The following TBC1D17 variants were observed in gnomAD, a reference collection of about 807,000 sequenced individuals.
TBC1D17 encodes TBC1 domain family member 17.
Under a neutral mutation model 78.8 loss-of-function variants are expected in TBC1D17, and 69 were observed. The ratio of observed to expected loss-of-function variants is 0.88; its 90% confidence interval spans 0.72 to 1.07. The LOEUF is 1.07. TBC1D17 is among the 50% of genes least tolerant of loss of function. TBC1D17 has a pLI of 0.00. For missense variants in TBC1D17, 957 were observed against 861.0 expected (o/e 1.11, Z -1.39); for synonymous variants, 456 against 358.3 (o/e 1.27, Z -3.08).
At chr19:49,881,544 G>C in intron 5 of TBC1D17, 69 bp downstream of exon 5, 2 of 1,464,504 alleles carry the variant, frequency 1.4e-6, no homozygotes, top group African/African-American at 1.4e-5. Flanking sequence ...GTGACCCCTC[G>C]GGGCTGTGAA....
intron 10 of TBC1D17, 108 bp downstream of exon 10, chr19:49,883,853 C>A: frequency 1.1e-6 from 1 of 940,602 alleles, no homozygotes. Context: ...CTCCCCAAGA[C>A]CAGTGAGAGG....
At chr19:49,881,596 G>A in intron 5 of TBC1D17, 121 bp downstream of exon 5, 1 of 978,988 alleles carries the variant, frequency 1.0e-6, no homozygotes, top group Non-Finnish European at 1.5e-6. Context: ...GCAAAGAGTT[G>A]ACCAGCACAT....
In TBC1D17 at chr19:49,878,868, G is replaced by C. The variant is rs576460640; in HGVS notation, c.195+296G>C. ...AGGGTGCAAGATGTGGATTCGAGTT[G>C]CTTGAAGGGAAATGGCATTTCCTCT... On this transcript the variant is annotated intron_variant, in intron 3 of 16. Transcript: ENST00000221543. 12 of 385,202 alleles carry C rather than the reference G, an allele frequency of 3.1e-5. 1 individual carries two copies. The highest frequency in any genetic ancestry group is 1.5e-4 in the South Asian group (4 of 27,146). 23.9% of individuals were successfully genotyped at this position (385,202 alleles called of 1,614,324 possible). A position where few individuals can be genotyped will look rare whatever the true frequency, so the allele number is the denominator to read the frequency against.
At position 49,882,295 on chromosome 19, in the gene TBC1D17, C is replaced by G; in HGVS notation, c.693C>G (p.Thr231=). Residue 231 remains threonine, a synonymous_variant, in exon 7 of 17, where the codon ACC becomes ACG. Coordinates refer to ENST00000221543, the MANE Select transcript of TBC1D17 (RefSeq NM_024682.3). ...STTFSSFSRV[T]NFFRGALQPQ... Reference sequence around the variant, plus strand: ...CCTTCAGCAGCTTCTCCCGAGTGACCAACTTCTTCCGGGGTGCCCTGCAGC... The same window carrying G: ...CCTTCAGCAGCTTCTCCCGAGTGACGAACTTCTTCCGGGGTGCCCTGCAGC... The G allele has an allele frequency of 6.2e-7, 1 of 1,612,236 alleles. No individual in the cohort carries two copies.
In TBC1D17 at chr19:49,888,047, C is replaced by T. The variant is rs1387373005; in HGVS notation, c.1660-184C>T. The stretch of plus-strand genomic sequence containing the variant: ...CCGGGCAGGTGGGTGGGGACCTTCC[C>T]TCCCCGAGTACGTGCTCAGAATGCT... On this transcript the variant is annotated intron_variant, in intron 15 of 16. Transcript: ENST00000221543. 1.1e-5 allele frequency: 12 copies of T among 1,093,076 alleles called. No homozygotes were observed. In the East Asian group the frequency reaches 2.6e-4, roughly 24 times the overall value. The allele number at this position is 1,093,076 out of a possible 1,614,324, so 67.7% of individuals were successfully genotyped here.
At position 49,888,743 on chromosome 19, in the gene TBC1D17, C is replaced by T; in HGVS notation, c.*119C>T. The T allele has an allele frequency of 4.1e-6, 4 of 967,858 alleles. No homozygotes were observed. Among genetic ancestry groups the T allele is most frequent in the Admixed American group, 2.9e-5 (1 of 34,704 alleles). The allele number at this position is 967,858 out of a possible 1,614,324, so 60.0% of individuals were successfully genotyped here. A position where few individuals can be genotyped will look rare whatever the true frequency, so the allele number is the denominator to read the frequency against. The stretch of plus-strand genomic sequence containing the variant: ...CTGGCTTCATTAAACTGACACTTCT[C>T]ATGTGCAGTTGGCTTCTTGTTGGTG... On this transcript the variant is annotated 3_prime_UTR_variant, in exon 17 of 17. Coordinates refer to ENST00000221543, the MANE Select transcript of TBC1D17 (RefSeq NM_024682.3).
rs757549629 is a variant in TBC1D17, at chr19:49,887,787, A to G, written c.1612A>G (p.Arg538Gly). The G allele has an allele frequency of 6.2e-7, 1 of 1,612,942 alleles. No homozygotes were observed. Among genetic ancestry groups the G allele is most frequent in the South Asian group, 1.1e-5 (1 of 90,836 alleles). ...GGCCTGCGCCATCCTGGACATGGAG[A>G]GGGACACCCTCATGCTGTCCGGCTT... ...LVACAILDME[R>G]DTLMLSGFGS... Residue 538 changes from arginine to glycine, a missense_variant, in exon 15 of 17, where the codon AGG becomes GGG. Transcript: ENST00000221543.
At chr19:49,882,207 G>A (rs2075021150) in intron 6 of TBC1D17, 35 bp from the exon 7 acceptor site, 1 of 1,612,876 alleles carries the variant, frequency 6.2e-7, no homozygotes, top group African/African-American at 1.3e-5. Flanking sequence ...GACGAGAAGG[G>A]GCGGGCCGTG....
intron 9 of TBC1D17, 64 bp from the exon 10 acceptor site, chr19:49,883,587 C>A: frequency 6.7e-7 from 1 of 1,483,158 alleles, no homozygotes; most frequent in Non-Finnish European, 9.4e-7. Flanking sequence ...TGGCGCCAGG[C>A]TTGGAGGTCT....
rs931899839 is a variant in TBC1D17, at chr19:49,884,774, G to T, written c.1444+16G>T. On this transcript the variant is annotated intron_variant, in intron 13 of 16. Transcript: ENST00000221543. Reference sequence around the variant, plus strand: ...GACTTCCTGGGTATGTCTCTCGGGAGGGTGGGCAGGAGACAATGGGGCCAT... The same window carrying T: ...GACTTCCTGGGTATGTCTCTCGGGATGGTGGGCAGGAGACAATGGGGCCAT... 1.2e-6 allele frequency: 2 copies of T among 1,611,402 alleles called. No homozygotes were observed. Among genetic ancestry groups the T allele is most frequent in the South Asian group, 2.2e-5 (2 of 91,026 alleles).
intron 1 of TBC1D17, 74 bp from the exon 2 acceptor site, chr19:49,878,069 G>C (rs1044010110): frequency 1.6e-6 from 2 of 1,280,076 alleles, no homozygotes; most frequent in African/African-American, 3.0e-5. Context: ...CTCCTCCCTG[G>C]GCCCGTCCCT....
intron 13 of TBC1D17, 138 bp downstream of exon 13, chr19:49,884,896 A>G: frequency 2.6e-6 from 2 of 769,216 alleles, no homozygotes; most frequent in Non-Finnish European, 4.2e-6. Flanking sequence ...CCTAGAATGT[A>G]GAGGCAGAAT....
At chr19:49,878,303 C>G in intron 2 of TBC1D17, 62 bp downstream of exon 2, 1 of 1,468,912 alleles carries the variant, frequency 6.8e-7, no homozygotes, top group Non-Finnish European at 9.3e-7. Context: ...GTCTGGGATG[C>G]AGGCGGCAGC....
Position 49,887,801 on chromosome 19 carries a change from G to A in TBC1D17, c.1626G>A (p.Met542Ile). 1 of 1,611,962 alleles carries A rather than the reference G, an allele frequency of 6.2e-7. No homozygotes were observed. ...AILDMERDTL[M>I]LSGFGSNEIL... ...TGGACATGGAGAGGGACACCCTCAT[G>A]CTGTCCGGCTTCGGCTCCAATGAGA... Residue 542 changes from methionine to isoleucine, a missense_variant, in exon 15 of 17, where the codon ATG becomes ATA. Coordinates refer to ENST00000221543, the MANE Select transcript of TBC1D17 (RefSeq NM_024682.3).
chr19:49,888,283 C>T lies in TBC1D17; in HGVS notation c.1712C>T (p.Ala571Val), dbSNP rs913989839. The change falls in exon 16 of 17, where the codon GCC becomes GTC. Residue 571 changes from alanine (A) to valine (V), a missense_variant. Transcript: ENST00000221543. Reference sequence around the variant, plus strand: ...AGCGTGGAGGACGTGCTGACCCGCGCCGAGGCCCTGCACCGCCAGCTAACC... The same window carrying T: ...AGCGTGGAGGACGTGCTGACCCGCGTCGAGGCCCTGCACCGCCAGCTAACC... ...KLSVEDVLTR[A>V]EALHRQLTAC... 3.8e-6 allele frequency: 6 copies of T among 1,592,692 alleles called. No homozygotes were observed. The Admixed American group carries it at 1.0e-4, about 28-fold the overall frequency.
chr19:49,878,609 T>G, intron 3 of TBC1D17, 37 bp downstream of exon 3: 1 of 1,596,088 alleles, frequency 6.3e-7, no homozygotes, highest in Non-Finnish European at 8.6e-7. Flanking sequence ...CCACTCGCTT[T>G]TTTTCTAGGT....
chr19:49,884,480 ATCT>A lies in TBC1D17; in HGVS notation c.1269_1271del (p.Leu424del), dbSNP rs772374849. ...CCAGGCTACGTCCAGGGCATGAGTG[ATCT>A]TCTCTCCCCGATCCTCTACGTCATT... On this transcript the variant is annotated inframe_deletion, in exon 12 of 17. Coordinates refer to ENST00000221543, the MANE Select transcript of TBC1D17 (RefSeq NM_024682.3). 9.3e-6 allele frequency: 15 copies of A among 1,613,934 alleles called. No homozygotes were observed. The highest frequency in any genetic ancestry group is 6.7e-5 in the Admixed American group (4 of 60,002).
At position 49,884,512 on chromosome 19, in the gene TBC1D17, A is replaced by T. The variant is rs1267283248; in HGVS notation, c.1297A>T (p.Asn433Tyr). ...CTCCCCGATCCTCTACGTCATTCAG[A>T]ACGAGGTGGATGCTTTCTGGTGTTT... ...LLSPILYVIQ[N>Y]EVDAFWCFCG... The change falls in exon 12 of 17, where the codon AAC becomes TAC. Residue 433 changes from asparagine (N) to tyrosine (Y), a missense_variant. Asn to Tyr is a moderately radical substitution (Grantham distance 143). Transcript: ENST00000221543. 1 of 1,613,994 alleles carries T rather than the reference A, an allele frequency of 6.2e-7. No individual in the cohort carries two copies. The highest frequency in any genetic ancestry group is 1.3e-5 in the African/African-American group (1 of 74,874).
Position 49,878,280 on chromosome 19 carries a change from CGGGATGCAGGCGGTCT to C in TBC1D17, c.120+53_120+68del, listed in dbSNP as rs751940103. 19 of 1,536,084 alleles carry C rather than the reference CGGGATGCAGGCGGTCT, an allele frequency of 1.2e-5. No individual in the cohort carries two copies. In the East Asian group the frequency reaches 2.7e-4, roughly 22 times the overall value. ...GAGCAGGGCTCGGACCCGCTCCGAG[CGGGATGCAGGCGGTCT>C]GGGATGCAGGCGGCAGCTGTAGGAG... On this transcript the variant is annotated intron_variant, in intron 2 of 16. Transcript: ENST00000221543.
Sources: allele counts gnomAD v4.1 joint callset, GRCh38; gene constraint gnomAD v4.1.1; transcripts MANE v1.5; gene names NCBI Gene and HGNC (gene_info 2026-07-23, HGNC 2026-07-21).